KCNN3: variants seen among roughly 807,000 people sequenced by gnomAD.
The protein encoded by KCNN3 is potassium calcium-activated channel subfamily N member 3.
Under a neutral mutation model 62.9 loss-of-function variants are expected in KCNN3, and 16 were observed. The ratio of observed to expected loss-of-function variants is 0.25; its 90% CI spans 0.17 to 0.39. The LOEUF (loss-of-function observed/expected upper bound fraction) is 0.39, where lower values mean the gene tolerates loss of function less well. Ranked by LOEUF, KCNN3 falls within the 10% of genes least tolerant of loss-of-function variation. The pLI is 1.00. For synonymous variants in KCNN3, 370 were observed against 389.2 expected, an observed-to-expected ratio of 0.95 and a Z score of 0.58; for missense variants, 599 against 949.4, an observed-to-expected ratio of 0.63 and a Z score of 4.85.
At chr1:154,762,079 T>C (rs12032020) in intron 3 of KCNN3, among the ~76,000 whole-genome samples, 39,847 of 152,154 alleles carry the variant, frequency 0.26, 5,579 homozygotes, top group African/African-American at 0.36. Context: ...AAATCCTAGA[T>C]GTTTACTTGG....
chr1:154,737,937 A>C (rs530854155), intron 3 of KCNN3, among the ~76,000 whole-genome samples: 11 of 151,480 alleles, frequency 7.3e-5, no homozygotes, highest in Admixed American at 1.3e-4. Flanking sequence ...AAAAGGAGAG[A>C]GAGGGAAAGA....
intron 5 of KCNN3, among the ~76,000 whole-genome samples, chr1:154,715,818 G>A (rs1321112472): frequency 6.7e-6 from 1 of 149,508 alleles, no homozygotes; most frequent in African/African-American, 2.4e-5. Context: ...TACATTGCTT[G>A]GGTTCAGAGA....
chr1:154,779,417 G>T (rs1648928426), intron 2 of KCNN3, among the ~76,000 whole-genome samples: 1 of 152,160 alleles, frequency 6.6e-6, no homozygotes, highest in African/African-American at 2.4e-5. Flanking sequence ...TTGCTGGCCA[G>T]TCCTTCTCAA....
rs1491002729 is a variant in KCNN3, at chr1:154,698,823, AT to A, written c.*9152del. ...GTGTGTGTTACCAAAAGGAAGCCATATTTGGAGCTGGTCTAAGCTCCAGCCC... is the reference window on the plus strand; with the variant it reads ...GTGTGTGTTACCAAAAGGAAGCCATATTGGAGCTGGTCTAAGCTCCAGCCC... On this transcript the variant is annotated 3_prime_UTR_variant, in exon 8 of 8. Coordinates refer to ENST00000271915, the MANE Select transcript of KCNN3 (RefSeq NM_002249.6). The A allele has an allele frequency of 6.6e-6, 1 of 152,188 alleles. No individual in the cohort carries two copies. The highest frequency in any genetic ancestry group is 1.5e-5 in the Non-Finnish European group (1 of 68,046). 9.4% of individuals were successfully genotyped at this position (152,188 alleles called of 1,614,324 possible).
chr1:154,848,889 C>G (rs1030470097), intron 1 of KCNN3, among the ~76,000 whole-genome samples: 2 of 152,222 alleles, frequency 1.3e-5, no homozygotes, highest in Admixed American at 1.3e-4. Flanking sequence ...CCGAACACCC[C>G]CTCAGCCTCA....
At chr1:154,808,890 T>C (rs1650289321) in intron 2 of KCNN3, among the ~76,000 whole-genome samples, 1 of 152,068 alleles carries the variant, frequency 6.6e-6, no homozygotes, top group African/African-American at 2.4e-5. Context: ...CTGAGGGCAG[T>C]GAGGGGCAGG....
chr1:154,836,601 G>A (rs1651600594), intron 1 of KCNN3, among the ~76,000 whole-genome samples: 1 of 152,170 alleles, frequency 6.6e-6, no homozygotes, highest in Non-Finnish European at 1.5e-5. Context: ...TTTCTCTCAC[G>A]GGAAAGTTTG....
intron 1 of KCNN3, among the ~76,000 whole-genome samples, chr1:154,826,533 CTGCCTCCAGGTTCCATTGCCCCGCCTGTG>C (rs1473402864): frequency 1.7e-5 from 2 of 119,042 alleles, no homozygotes; most frequent in East Asian, 5.1e-4. Context: ...CCAGATCTGT[CTGCCTCCAGGTTCCATTGCCCCGCCTGTG>C]TCCCAGCACC....
At position 154,705,266 on chromosome 1, in the gene KCNN3, G is replaced by A. The variant is rs1211452457; in HGVS notation, c.*2710C>T. ...TACACCCAGAATAATTAATACTTAA[G>A]TCATCAAGGGTTGATTGTACTTGCA... is the stretch of plus-strand genomic sequence containing the variant. On this transcript the variant is annotated 3_prime_UTR_variant, in exon 8 of 8. Transcript: ENST00000271915. The A allele has an allele frequency of 6.6e-6, 1 of 152,198 alleles. No individual in the cohort carries two copies. Among genetic ancestry groups the A allele is most frequent in the Non-Finnish European group, 1.5e-5 (1 of 68,034 alleles). 9.4% of individuals were successfully genotyped at this position (152,198 alleles called of 1,614,324 possible).
intron 2 of KCNN3, among the ~76,000 whole-genome samples, chr1:154,808,901 G>A (rs940407815): frequency 6.6e-6 from 1 of 152,208 alleles, no homozygotes; most frequent in Non-Finnish European, 1.5e-5. Flanking sequence ...GAGGGGCAGG[G>A]TCTGCTGGCG....
chr1:154,844,411 A>G (rs1235383506), intron 1 of KCNN3, among the ~76,000 whole-genome samples: 1 of 152,214 alleles, frequency 6.6e-6, no homozygotes, highest in African/African-American at 2.4e-5. Context: ...AGTTGGAAAC[A>G]TGACCAAACA....
At chr1:154,760,385 G>A (rs1160836506) in intron 3 of KCNN3, among the ~76,000 whole-genome samples, 1 of 150,274 alleles carries the variant, frequency 6.7e-6, no homozygotes, top group Non-Finnish European at 1.5e-5. Flanking sequence ...AAGCGGCCGC[G>A]GAGTGGGACT....
At position 154,699,941 on chromosome 1, in the gene KCNN3, G is replaced by A. The variant is rs1699818116; in HGVS notation, c.*8035C>T. 6.6e-6 allele frequency: 1 copy of A among 152,074 alleles called. No homozygotes were observed. Among genetic ancestry groups the A allele is most frequent in the Non-Finnish European group, 1.5e-5 (1 of 67,998 alleles). The allele number at this position is 152,074 out of a possible 1,614,324, so 9.4% of individuals were successfully genotyped here. A position where few individuals can be genotyped will look rare whatever the true frequency, so the allele number is the denominator to read the frequency against. Reference sequence around the variant, plus strand: ...GGGCTTTGAGGTGGCTCAAGGATATGGAGTGCTATTTAGGTAAGACCGGAA... The same window carrying A: ...GGGCTTTGAGGTGGCTCAAGGATATAGAGTGCTATTTAGGTAAGACCGGAA... On this transcript the variant is annotated 3_prime_UTR_variant, in exon 8 of 8. Transcript: ENST00000271915.
Position 154,756,064 on chromosome 1 carries a change from G to GAAGAAGGCA in KCNN3, c.1448+15910_1448+15911insTGCCTTCTT, listed in dbSNP as rs1647675673. 7.1e-5 allele frequency among the ~76,000 whole-genome samples: 9 copies of GAAGAAGGCA among 126,668 alleles called. No homozygotes were observed. In the South Asian group the frequency reaches 1.8e-3, roughly 25 times the overall value. 83.1% of individuals were successfully genotyped at this position (126,668 alleles called of 152,430 possible). A position where few individuals can be genotyped will look rare whatever the true frequency, so the allele number is the denominator to read the frequency against. On this transcript the variant is annotated intron_variant, in intron 3 of 7. Transcript: ENST00000271915. ...GGAGGAGGAGGAGGAAGAGGAAGAG[G>GAAGAAGGCA]AAGAAGAAGGAGGAGGAGGAGGGGG...
At chr1:154,855,920 G>A (rs1446011748) in intron 1 of KCNN3, among the ~76,000 whole-genome samples, 2 of 152,196 alleles carry the variant, frequency 1.3e-5, no homozygotes, top group Admixed American at 1.3e-4. Context: ...GCTTAGCTGA[G>A]TGATCCCACA....
intron 3 of KCNN3, among the ~76,000 whole-genome samples, chr1:154,743,715 T>C (rs1165777170): frequency 1.3e-5 from 2 of 152,202 alleles, no homozygotes; most frequent in African/African-American, 4.8e-5. Context: ...TGATCATGAG[T>C]ACTCTACAAG....
rs1448399667 is a variant in KCNN3, at chr1:154,704,662, A to C, written c.*3314T>G. On this transcript the variant is annotated 3_prime_UTR_variant, in exon 8 of 8. Transcript: ENST00000271915. ...TGATTTTACCTGTCACTGAGTTGTC[A>C]GAAAGATTATAGTAGGGGATCTGCC... is the stretch of plus-strand genomic sequence containing the variant. 1.3e-5 allele frequency: 2 copies of C among 152,234 alleles called. No homozygotes were observed. Among genetic ancestry groups the C allele is most frequent in the Non-Finnish European group, 2.9e-5 (2 of 68,048 alleles). The allele number at this position is 152,234 out of a possible 1,614,324, so 9.4% of individuals were successfully genotyped here.
intron 2 of KCNN3, among the ~76,000 whole-genome samples, chr1:154,816,897 G>C (rs534446416): frequency 6.6e-6 from 1 of 152,128 alleles, no homozygotes; most frequent in South Asian, 2.1e-4. Flanking sequence ...AAGTCCCTAC[G>C]GGTCCTTCCC....
At chr1:154,842,505 G>A (rs1028680974) in intron 1 of KCNN3, among the ~76,000 whole-genome samples, 16 of 152,080 alleles carry the variant, frequency 1.1e-4, no homozygotes, top group African/African-American at 3.6e-4. Context: ...GGCAGAAGGG[G>A]GCTATAAGCA....
Sources: allele counts gnomAD v4.1 joint callset (sites outside exome capture counted in the v4.1 genomes callset), GRCh38; gene constraint gnomAD v4.1.1; transcripts MANE v1.5; gene names NCBI Gene and HGNC (gene_info 2026-07-23, HGNC 2026-07-21).